The following CCSER1 variants were observed in gnomAD, a reference collection of about 807,000 sequenced individuals.
The protein encoded by CCSER1 is coiled-coil serine rich protein 1, also known as serine-rich coiled-coil domain-containing protein 1.
Under a neutral mutation model 82.0 loss-of-function variants are expected in CCSER1, and 41 were observed. The ratio of observed to expected loss-of-function variants is 0.50; its 90% CI spans 0.39 to 0.65. CCSER1 has a LOEUF of 0.65. Among genes scored for constraint, CCSER1 ranks in the 30% least tolerant of loss-of-function variants. The pLI, the probability that CCSER1 is intolerant of heterozygous loss-of-function variation, is 0.00. For synonymous variants in CCSER1, 414 were observed against 383.9 expected (o/e 1.08, Z -0.92); for missense variants, 1,119 against 1,064.2 (o/e 1.05, Z -0.72).
intron 10 of CCSER1, among the ~76,000 whole-genome samples, chr4:91,359,085 C>G (rs1578260457): frequency 6.6e-6 from 1 of 151,784 alleles, no homozygotes; most frequent in Non-Finnish European, 1.5e-5. Flanking sequence ...ATTTCTGTCC[C>G]TTTTAAGGGC....
chr4:90,479,492 C>T (rs1024619329), intron 5 of CCSER1, among the ~76,000 whole-genome samples: 2 of 152,150 alleles, frequency 1.3e-5, no homozygotes, highest in Non-Finnish European at 2.9e-5. Flanking sequence ...TCATCATTTA[C>T]ATTAGGTATA....
intron 5 of CCSER1, among the ~76,000 whole-genome samples, chr4:90,559,751 A>C (rs1366014075): frequency 1.4e-5 from 2 of 142,040 alleles, no homozygotes; most frequent in Admixed American, 1.5e-4. Flanking sequence ...CGGAGCTTGC[A>C]GTGCGCCGAG....
At chr4:90,796,882 T>A (rs956040389) in intron 7 of CCSER1, among the ~76,000 whole-genome samples, 1 of 152,222 alleles carries the variant, frequency 6.6e-6, no homozygotes, top group African/African-American at 2.4e-5. Context: ...TTGCATTTGC[T>A]AAGGAGTGTT....
At chr4:90,440,071 A>C (rs1204712262) in intron 4 of CCSER1, among the ~76,000 whole-genome samples, 1 of 151,916 alleles carries the variant, frequency 6.6e-6, no homozygotes, top group Non-Finnish European at 1.5e-5. Flanking sequence ...TGGCGTGATC[A>C]TAGCTCACTG....
intron 9 of CCSER1, among the ~76,000 whole-genome samples, chr4:90,925,746 A>G (rs1266556307): frequency 1.3e-5 from 2 of 152,292 alleles, no homozygotes; most frequent in South Asian, 2.1e-4. Flanking sequence ...TAAATCTTCA[A>G]TGTTCCTAGC....
intron 6 of CCSER1, among the ~76,000 whole-genome samples, chr4:90,695,466 C>T (rs1376547382): frequency 6.6e-6 from 1 of 151,928 alleles, no homozygotes; most frequent in Non-Finnish European, 1.5e-5. Flanking sequence ...TAAAAGCCCT[C>T]ATTATTACTT....
At chr4:91,177,453 C>G (rs1282000338) in intron 10 of CCSER1, among the ~76,000 whole-genome samples, 1 of 152,064 alleles carries the variant, frequency 6.6e-6, no homozygotes, top group East Asian at 1.9e-4. Flanking sequence ...TGGTCCTGGA[C>G]TTTTTTTGGT....
chr4:91,597,066 A>G (rs1303362116), intron 10 of CCSER1, among the ~76,000 whole-genome samples: 2 of 152,012 alleles, frequency 1.3e-5, no homozygotes, highest in Non-Finnish European at 2.9e-5. Context: ...GTTTTTCTGC[A>G]CGTAATTAAT....
chr4:91,279,066 T>A (rs1460968139), intron 10 of CCSER1, among the ~76,000 whole-genome samples: 2 of 152,120 alleles, frequency 1.3e-5, no homozygotes, highest in African/African-American at 4.8e-5. Flanking sequence ...TTATTTTTTT[T>A]TTTTTCTTTC....
intron 5 of CCSER1, among the ~76,000 whole-genome samples, chr4:90,508,807 A>T (rs1455326643): frequency 6.6e-6 from 1 of 152,070 alleles, no homozygotes; most frequent in Non-Finnish European, 1.5e-5. Context: ...TGATTTTAAC[A>T]TAATTAAGCA....
chr4:90,780,368 C>T, intron 7 of CCSER1: 1 of 1,438,004 alleles, frequency 7.0e-7, no homozygotes, highest in Non-Finnish European at 9.6e-7. Context: ...CATTGATGAT[C>T]CCCAAAATAA....
chr4:91,490,620 T>C (rs948228849), intron 10 of CCSER1, among the ~76,000 whole-genome samples: 1 of 151,302 alleles, frequency 6.6e-6, no homozygotes, highest in Non-Finnish European at 1.5e-5. Context: ...TGGGAGGAAG[T>C]AGATTTAATG....
intron 9 of CCSER1, among the ~76,000 whole-genome samples, chr4:91,037,830 A>C (rs187739552): frequency 3.9e-5 from 6 of 152,160 alleles, no homozygotes; most frequent in Admixed American, 1.3e-4. Context: ...ATTTAGTAGG[A>C]AAATGGAAAT....
chr4:90,895,983 A>T (rs7673643), intron 8 of CCSER1, among the ~76,000 whole-genome samples: 62,209 of 151,802 alleles, frequency 0.41, 13,257 homozygotes, highest in Non-Finnish European at 0.48. Context: ...GAGAGAACAC[A>T]GTTAAATGGT....
At chr4:91,301,715 T>C (rs1000767459) in intron 10 of CCSER1, among the ~76,000 whole-genome samples, 1 of 151,860 alleles carries the variant, frequency 6.6e-6, no homozygotes, top group African/African-American at 2.4e-5. Flanking sequence ...CATTCACCAA[T>C]GGATAAGAAT....
chr4:91,133,976 A>G (rs189910344), intron 10 of CCSER1, among the ~76,000 whole-genome samples: 2 of 152,220 alleles, frequency 1.3e-5, no homozygotes, highest in East Asian at 3.9e-4. Context: ...GCGCATGCCT[A>G]TAATCCCAGC....
At chr4:91,281,863 ATC>A (rs1288883224) in intron 10 of CCSER1, among the ~76,000 whole-genome samples, 1 of 152,124 alleles carries the variant, frequency 6.6e-6, no homozygotes, top group Non-Finnish European at 1.5e-5. Context: ...CCCTAGTTAA[ATC>A]TCTAATGAAG....
At chr4:91,577,366 A>C (rs938562574) in intron 10 of CCSER1, among the ~76,000 whole-genome samples, 2 of 151,980 alleles carry the variant, frequency 1.3e-5, no homozygotes, top group African/African-American at 4.8e-5. Flanking sequence ...GATACCAGGA[A>C]AACTGCCAGG....
chr4:91,308,354 C>G (rs538754591), intron 10 of CCSER1, among the ~76,000 whole-genome samples: 2 of 152,028 alleles, frequency 1.3e-5, no homozygotes, highest in African/African-American at 4.8e-5. Flanking sequence ...GTTTAGGTAC[C>G]TGGATGTACT....
Sources: allele counts gnomAD v4.1 joint callset (sites outside exome capture counted in the v4.1 genomes callset), GRCh38; gene constraint gnomAD v4.1.1; transcripts MANE v1.5; gene names NCBI Gene and HGNC (gene_info 2026-07-23, HGNC 2026-07-21).